The following GPR174 variants were observed in gnomAD, a reference collection of about 807,000 sequenced individuals.
GPR174 encodes probable G protein-coupled receptor 174.
A neutral mutation model predicts 16.5 loss-of-function variants in GPR174; 8 were observed. The observed-to-expected ratio is 0.48, with a 90% CI of 0.28 to 0.87. GPR174 has a LOEUF of 0.87. Among genes scored for constraint, GPR174 ranks in the 40% least tolerant of loss-of-function variants. The pLI is 0.09. For synonymous variants in GPR174, 111 were observed against 94.8 expected (o/e 1.17, Z -0.99); for missense variants, 214 against 247.5 (o/e 0.86, Z 0.91).
In GPR174 at chrX:79,172,764, G is replaced by T. The variant is rs188298990; in HGVS notation, c.*755G>T. Reference sequence around the variant, plus strand: ...GGTAGTTTGTCAAAGTCCATACAAGGTGACTCAATTGGGCTCTAGGCCTAG... The same window carrying T: ...GGTAGTTTGTCAAAGTCCATACAAGTTGACTCAATTGGGCTCTAGGCCTAG... On this transcript the variant is annotated 3_prime_UTR_variant, in exon 3 of 3. Coordinates refer to ENST00000645147, the MANE Select transcript of GPR174 (RefSeq NM_032553.3). 8.9e-6 allele frequency: 1 copy of T among 111,739 alleles called. No individual in the cohort carries two copies. The allele number at this position is 111,739 out of a possible 1,213,427, so 9.2% of individuals were successfully genotyped here. A position where few individuals can be genotyped will look rare whatever the true frequency, so the allele number is the denominator to read the frequency against.
intron 1 of GPR174, among the ~76,000 whole-genome samples, chrX:79,146,867 A>G (rs1444289206): frequency 9.0e-6 from 1 of 111,286 alleles, no homozygotes; most frequent in East Asian, 2.8e-4. Context: ...GCTCATAGAT[A>G]CTTTAGGCAC....
rs780451716 is a variant in GPR174, at chrX:79,151,386, G to A, written c.-653-5436G>A. Reference sequence around the variant, plus strand: ...TTGAGGAAGGATTAGCATACAAAAAGATGTGTATATTTAATATATATAACT... The same window carrying A: ...TTGAGGAAGGATTAGCATACAAAAAAATGTGTATATTTAATATATATAACT... On this transcript the variant is annotated intron_variant, in intron 1 of 2. Transcript: ENST00000645147. Among the ~76,000 whole-genome samples the A allele has an allele frequency of 6.3e-5, 7 of 111,184 alleles. No individual in the cohort carries two copies. In the South Asian group the frequency reaches 2.6e-3, roughly 41 times the overall value.
rs759622438 is a variant in GPR174, at chrX:79,171,321, G to T, written c.314G>T (p.Ser105Ile). Residue 105 changes from serine to isoleucine, a missense_variant, in exon 3 of 3, where the codon AGC (serine) becomes ATC (isoleucine). Physicochemically the swap from Ser to Ile is moderately radical, Grantham distance 142 (BLOSUM62 -2). Coordinates refer to ENST00000645147, the MANE Select transcript of GPR174 (RefSeq NM_032553.3). Reference sequence around the variant, plus strand: ...CTGAAGTATGTCAACATGTATGCAAGCATCTACTTCTTGGTCTGCATCAGT... The same window carrying T: ...CTGAAGTATGTCAACATGTATGCAATCATCTACTTCTTGGTCTGCATCAGT... ...FYLKYVNMYA[S>I]IYFLVCISVR... The T allele has an allele frequency of 2.5e-6, 3 of 1,211,261 alleles. No individual in the cohort carries two copies. The highest frequency in any genetic ancestry group is 2.2e-6 in the Non-Finnish European group (2 of 895,107).
At chrX:79,149,976 T>C (rs773198783) in intron 1 of GPR174, among the ~76,000 whole-genome samples, 16 of 111,417 alleles carry the variant, frequency 1.4e-4, no homozygotes, top group Middle Eastern at 4.6e-3. Context: ...GATTTAGTTC[T>C]AAGTTACAGT....
chrX:79,166,347 C>T (rs5912788), intron 2 of GPR174, among the ~76,000 whole-genome samples: 41,904 of 104,820 alleles, frequency 0.4, 6,638 homozygotes, highest in Non-Finnish European at 0.49. Context: ...AAACAGTAGT[C>T]AACAAAATGG....
rs759764907 is a variant in GPR174, at chrX:79,171,119, A to G, written c.112A>G (p.Ile38Val). 2.5e-6 allele frequency: 3 copies of G among 1,208,245 alleles called. No homozygotes were observed. Among genetic ancestry groups the G allele is most frequent in the Non-Finnish European group, 3.4e-6 (3 of 892,805 alleles). The change falls in exon 3 of 3, where the codon ATA becomes GTA. Residue 38 changes from isoleucine (I) to valine (V), a missense_variant. Coordinates refer to ENST00000645147, the MANE Select transcript of GPR174 (RefSeq NM_032553.3). ...VILVPGLIGNILALWVFYGYM... is the reference protein window; with the variant it reads ...VILVPGLIGNVLALWVFYGYM... ...TCTTGTGCCAGGTCTCATAGGGAAT[A>G]TATTAGCCCTGTGGGTATTCTATGG...
At position 79,173,274 on chromosome X, in the gene GPR174, A is replaced by G. The variant is rs1046981824; in HGVS notation, c.*1265A>G. 1.8e-5 allele frequency: 2 copies of G among 111,791 alleles called. No individual in the cohort carries two copies. Among genetic ancestry groups the G allele is most frequent in the African/African-American group, 6.5e-5 (2 of 30,761 alleles). The allele number at this position is 111,791 out of a possible 1,213,427, so 9.2% of individuals were successfully genotyped here. ...GGAAGGCAATTATTTCACCTCTTGA[A>G]AAATGCATAGAAGATTAATTTGGTC... is the stretch of plus-strand genomic sequence containing the variant. On this transcript the variant is annotated 3_prime_UTR_variant, in exon 3 of 3. Transcript: ENST00000645147.
chrX:79,152,167 C>T (rs975101969), intron 1 of GPR174, among the ~76,000 whole-genome samples: 1 of 111,483 alleles, frequency 9.0e-6, no homozygotes, highest in African/African-American at 3.3e-5. Context: ...AGGTCTGCAA[C>T]AATAGATTAA....
rs748076644 is a variant in GPR174 at position 79,171,430 on chromosome X, C to A, written c.423C>A (p.Gly141=). 4 of 1,211,512 alleles carry A rather than the reference C, an allele frequency of 3.3e-6. No homozygotes were observed. The highest frequency in any genetic ancestry group is 2.2e-5 in the Admixed American group (1 of 46,044). ...QKYDLYISIA[G]WLIICLACVL... is the part of the protein sequence containing the mutation. Reference sequence around the variant, plus strand: ...ATGACCTGTACATCAGCATTGCTGGCTGGCTGATCATCTGCCTTGCCTGTG... The same window carrying A: ...ATGACCTGTACATCAGCATTGCTGGATGGCTGATCATCTGCCTTGCCTGTG... Residue 141 remains glycine, a synonymous_variant, in exon 3 of 3, where the codon GGC becomes GGA. Transcript: ENST00000645147.
intron 1 of GPR174, among the ~76,000 whole-genome samples, chrX:79,148,914 C>T (rs1020672899): frequency 8.9e-6 from 1 of 111,973 alleles, no homozygotes; most frequent in Non-Finnish European, 1.9e-5. Flanking sequence ...TTAGGTAATA[C>T]TGATGACCTA....
At chrX:79,156,526 C>T (rs1364320358) in intron 1 of GPR174, among the ~76,000 whole-genome samples, 8 of 112,057 alleles carry the variant, frequency 7.1e-5, no homozygotes, top group Admixed American at 5.7e-4. Context: ...ACATAGTTCA[C>T]CATAGTTAAG....
intron 1 of GPR174, among the ~76,000 whole-genome samples, chrX:79,153,273 A>G (rs1166281844): frequency 9.0e-6 from 1 of 111,592 alleles, no homozygotes; most frequent in Non-Finnish European, 1.9e-5. Context: ...TTTCCAGGGC[A>G]GGGGCTATGT....
intron 1 of GPR174, among the ~76,000 whole-genome samples, chrX:79,152,778 T>C (rs1921010377): frequency 8.9e-6 from 1 of 112,070 alleles, no homozygotes; most frequent in Non-Finnish European, 1.9e-5. Flanking sequence ...TTTCTCTATC[T>C]GTGAAAATGG....
intron 1 of GPR174, among the ~76,000 whole-genome samples, chrX:79,155,300 T>C (rs1412533696): frequency 9.0e-6 from 1 of 111,670 alleles, no homozygotes; most frequent in Non-Finnish European, 1.9e-5. Context: ...GTCCCCATGA[T>C]AAGCTGCTTT....
intron 2 of GPR174, among the ~76,000 whole-genome samples, chrX:79,169,332 G>T (rs1410468560): frequency 9.0e-6 from 1 of 111,544 alleles, no homozygotes; most frequent in East Asian, 2.8e-4. Flanking sequence ...AAGAAAAGTG[G>T]TATTATTTAC....
chrX:79,153,779 G>A (rs1365609374), intron 1 of GPR174, among the ~76,000 whole-genome samples: 1 of 111,544 alleles, frequency 9.0e-6, no homozygotes, highest in Admixed American at 9.5e-5. Context: ...GTAGTAAGGA[G>A]GAAGTGTGAT....
rs1921603485 is a variant in GPR174 at position 79,174,807 on chromosome X, C to G, written c.*2798C>G. ...TCCAGACAGCAGCCTGTTCTCTGAG[C>G]TTCTCCATTCCATGGCTTATCCAGA... On this transcript the variant is annotated 3_prime_UTR_variant, in exon 3 of 3. Coordinates refer to ENST00000645147, the MANE Select transcript of GPR174 (RefSeq NM_032553.3). The G allele has an allele frequency of 9.0e-6, 1 of 111,333 alleles. No individual in the cohort carries two copies. The highest frequency in any genetic ancestry group is 3.8e-4 in the South Asian group (1 of 2,643). 9.2% of individuals were successfully genotyped at this position (111,333 alleles called of 1,213,427 possible).
At chrX:79,165,920 C>T (rs1387111372) in intron 2 of GPR174, among the ~76,000 whole-genome samples, 1 of 110,792 alleles carries the variant, frequency 9.0e-6, no homozygotes, top group African/African-American at 3.3e-5. Flanking sequence ...TTTAAAAAAT[C>T]CTATTTCTTG....
rs1032824115 is a variant in GPR174, at chrX:79,173,915, C to T, written c.*1906C>T. 13 of 111,592 alleles carry T rather than the reference C, an allele frequency of 1.2e-4. No homozygotes were observed. 9.2% of individuals were successfully genotyped at this position (111,592 alleles called of 1,213,427 possible). On this transcript the variant is annotated 3_prime_UTR_variant, in exon 3 of 3. Transcript: ENST00000645147. ...ATAATTTAGTGTTGCAATAGGATTGCAAGTAATAATTTTGTGGAATTGTGA... is the reference window on the plus strand; with the variant it reads ...ATAATTTAGTGTTGCAATAGGATTGTAAGTAATAATTTTGTGGAATTGTGA...
Sources: allele counts gnomAD v4.1 joint callset (sites outside exome capture counted in the v4.1 genomes callset), GRCh38; gene constraint gnomAD v4.1.1; transcripts MANE v1.5; gene names NCBI Gene and HGNC (gene_info 2026-07-23, HGNC 2026-07-21).